Variants in DNAH5 observed in about 807,000 individuals in gnomAD.
DNAH5 encodes dynein axonemal heavy chain 5, also known as axonemal beta dynein heavy chain 5.
In DNAH5, 372 loss-of-function variants were observed where a neutral mutation model predicts 518.2. The ratio of observed to expected loss-of-function variants is 0.72; its 90% CI spans 0.66 to 0.78. The LOEUF is 0.78. DNAH5 is among the 30% of genes least tolerant of loss of function. The probability of loss-of-function intolerance (pLI) is 0.00; values close to 1 mark genes in which losing one functional copy is unlikely to be tolerated. For synonymous variants in DNAH5, 2,039 were observed against 2,025.9 expected, an observed-to-expected ratio of 1.01 and a Z score of -0.17; for missense variants, 5,523 against 5,687.0, an observed-to-expected ratio of 0.97 and a Z score of 0.93.
At chr5:13,953,688 G>A (rs979822649) in intron 1 of DNAH5, among the ~76,000 whole-genome samples, 27 of 151,986 alleles carry the variant, frequency 1.8e-4, no homozygotes, top group African/African-American at 6.3e-4. Flanking sequence ...TCAAAATGTG[G>A]GATGCTTCTT....
At chr5:13,952,078 GA>G (rs1780458939) in intron 1 of DNAH5, among the ~76,000 whole-genome samples, 1 of 152,070 alleles carries the variant, frequency 6.6e-6, no homozygotes, top group South Asian at 2.1e-4. Context: ...TAAAAGCAAC[GA>G]AGAATCACCC....
intron 63 of DNAH5, 105 bp downstream of exon 63, chr5:13,753,127 CA>C: frequency 1.2e-6 from 1 of 835,722 alleles, no homozygotes; most frequent in Non-Finnish European, 2.0e-6. Flanking sequence ...CCTAGGATTA[CA>C]AAAACATCTC....
chr5:13,991,526 G>A (rs190534606), intron 1 of DNAH5, among the ~76,000 whole-genome samples: 1 of 146,260 alleles, frequency 6.8e-6, no homozygotes, highest in Non-Finnish European at 1.5e-5. Context: ...AAGAGGAGGG[G>A]AGGAGGGGAG....
chr5:13,700,854 G>T lies in DNAH5; in HGVS notation c.13509C>A (p.Asn4503Lys). 2 of 1,614,146 alleles carry T rather than the reference G, an allele frequency of 1.2e-6. No homozygotes were observed. The highest frequency in any genetic ancestry group is 2.2e-5 in the South Asian group (2 of 91,084). The change falls in exon 78 of 79, where the codon AAC becomes AAA. Residue 4503 changes from asparagine (N) to lysine (K), a missense_variant. Coordinates refer to ENST00000265104, the MANE Select transcript of DNAH5 (RefSeq NM_001369.3). ...CCATATTGTCCAGAGCCCAGCCTTT[G>T]TTGGCCCGAGTTATTTCCTATTCAG... is the stretch of plus-strand genomic sequence containing the variant. ...TAMRQEITRA[N>K]KGWALDNMVL...
At chr5:13,909,429 C>G (rs1264588075) in intron 12 of DNAH5, among the ~76,000 whole-genome samples, 2 of 151,896 alleles carry the variant, frequency 1.3e-5, no homozygotes, top group African/African-American at 4.8e-5. Flanking sequence ...CACAGTTGAC[C>G]CTGGGTAATT....
chr5:14,002,798 T>C (rs954397636), intron 1 of DNAH5, among the ~76,000 whole-genome samples: 7 of 151,932 alleles, frequency 4.6e-5, no homozygotes, highest in Admixed American at 2.6e-4. Context: ...GTCTACTTCT[T>C]GATATAATCT....
At chr5:13,900,105 C>T (rs1379678271) in intron 15 of DNAH5, 101 bp downstream of exon 15, 1 of 1,117,112 alleles carries the variant, frequency 9.0e-7, no homozygotes, top group East Asian at 2.6e-5. Context: ...TCCATTCATC[C>T]TGGCCACTTT....
chr5:13,829,902 CAAAAGGAGGTAAAGTTA>C, intron 37 of DNAH5, 107 bp downstream of exon 37: 1 of 459,058 alleles, frequency 2.2e-6, no homozygotes, highest in Non-Finnish European at 3.1e-6. Context: ...AAAAGGTTTT[CAAAAGGAGGTAAAGTTA>C]CAATCCCAAT....
rs1427121789 is a variant in DNAH5, at chr5:13,701,406, A to G, written c.13369T>C (p.Trp4457Arg). Residue 4457 changes from tryptophan (W) to arginine (R), a missense_variant, in exon 77 of 79, where the codon TGG becomes CGG. By Grantham distance (101) the Trp-to-Arg change is moderately radical. Around this residue, in one of 3 missense-constraint regions of DNAH5, gnomAD observed 387 missense variants for 430.0 expected, o/e 0.90. Coordinates refer to ENST00000265104, the MANE Select transcript of DNAH5 (RefSeq NM_001369.3). ...ASWISSTLGFWFTELIERNSQ... is the reference protein window; with the variant it reads ...ASWISSTLGFRFTELIERNSQ... ...TTTCTTTCTATAAGTTCAGTAAACC[A>G]GAAACCCAGTGTACTAGAAATCCAA... 3 of 1,613,822 alleles carry G rather than the reference A, an allele frequency of 1.9e-6. No individual in the cohort carries two copies. The highest frequency in any genetic ancestry group is 8.5e-7 in the Non-Finnish European group (1 of 1,179,662).
intron 47 of DNAH5, among the ~76,000 whole-genome samples, chr5:13,798,222 A>C (rs566377658): frequency 7.7e-4 from 118 of 152,272 alleles, no homozygotes; most frequent in African/African-American, 2.8e-3. Flanking sequence ...AAATAAATAA[A>C]TAACTGAAAG....
chr5:13,946,572 C>A (rs892008122), upstream of DNAH5, among the ~76,000 whole-genome samples: 2 of 152,198 alleles, frequency 1.3e-5, no homozygotes, highest in African/African-American at 4.8e-5. Context: ...GTAGGAAACT[C>A]AGAAAGGCTT....
chr5:13,945,443 G>T (rs984031688), upstream of DNAH5, among the ~76,000 whole-genome samples: 1 of 152,138 alleles, frequency 6.6e-6, no homozygotes, highest in Non-Finnish European at 1.5e-5. Flanking sequence ...TGGAAGGCAG[G>T]GTGCTGACAT....
At chr5:13,958,102 G>A (rs774598417) in intron 1 of DNAH5, among the ~76,000 whole-genome samples, 1 of 151,234 alleles carries the variant, frequency 6.6e-6, no homozygotes, top group Non-Finnish European at 1.5e-5. Flanking sequence ...GATTTATTTA[G>A]CCAATTTTTT....
At chr5:13,923,156 A>G (rs899743324) in intron 4 of DNAH5, 124 bp downstream of exon 4, 1 of 1,283,696 alleles carries the variant, frequency 7.8e-7, no homozygotes, top group Admixed American at 2.0e-5. Context: ...TTTAAAAAAT[A>G]CTTCTCTGAA....
intron 52 of DNAH5, among the ~76,000 whole-genome samples, chr5:13,785,698 T>C (rs1223513394): frequency 1.3e-5 from 2 of 152,182 alleles, no homozygotes; most frequent in African/African-American, 4.8e-5. Flanking sequence ...ACCCTGGAAT[T>C]CTCCATTCTA....
chr5:13,834,202 C>G (rs911847084), intron 35 of DNAH5, among the ~76,000 whole-genome samples: 2 of 150,442 alleles, frequency 1.3e-5, no homozygotes, highest in South Asian at 4.2e-4. Context: ...CTTGAAAATA[C>G]TTATTTTGCT....
At chr5:13,746,642 A>T (rs1749375979) in intron 65 of DNAH5, among the ~76,000 whole-genome samples, 1 of 152,150 alleles carries the variant, frequency 6.6e-6, no homozygotes, top group African/African-American at 2.4e-5. Flanking sequence ...AACAGGTAGG[A>T]TATGAAATAT....
intron 12 of DNAH5, among the ~76,000 whole-genome samples, chr5:13,902,395 G>A (rs1348436349): frequency 6.6e-6 from 1 of 152,164 alleles, no homozygotes; most frequent in Non-Finnish European, 1.5e-5. Flanking sequence ...CTGGGGGGTG[G>A]CACTGGGGCC....
rs753409819 is a variant in DNAH5, at chr5:13,894,690, C to A, written c.2391G>T (p.Leu797=). The A allele has an allele frequency of 1.9e-6, 3 of 1,614,090 alleles. No individual in the cohort carries two copies. The highest frequency in any genetic ancestry group is 2.5e-6 in the Non-Finnish European group (3 of 1,179,954). The change falls in exon 16 of 79, where the codon CTG becomes CTT. Residue 797 remains leucine (L), a synonymous_variant. Transcript: ENST00000265104. ...PGLAALTWTS[L]NIEAYLENTF... is the part of the protein sequence containing the mutation. ...TGTTTTCTAAATAAGCCTCAATATTCAGTGATGTCCAGGTCAGTGCAGCCA... is the reference window on the plus strand; with the variant it reads ...TGTTTTCTAAATAAGCCTCAATATTAAGTGATGTCCAGGTCAGTGCAGCCA...
Sources: gnomAD v4.1 joint callset for allele counts (sites outside exome capture counted in the v4.1 genomes callset) on GRCh38, gnomAD v4.1.1 for gene constraint, gnomAD v4.1.1 regional missense constraint, MANE v1.5 for transcripts, NCBI Gene and HGNC (gene_info 2026-07-23, HGNC 2026-07-21) for gene names.